Variants in RGS7 observed in about 807,000 individuals in gnomAD.
The protein encoded by RGS7 is regulator of G protein signaling 7.
Under a neutral mutation model 81.1 loss-of-function variants are expected in RGS7, and 27 were observed. The ratio of observed to expected loss-of-function variants is 0.33; its 90% confidence interval spans 0.25 to 0.46. The LOEUF (loss-of-function observed/expected upper bound fraction) is 0.46, where lower values mean the gene tolerates loss of function less well. RGS7 is among the 20% of genes least tolerant of loss of function. The pLI is 1.00. For synonymous variants in RGS7, 208 were observed against 207.7 expected (o/e 1.00, Z -0.01); for missense variants, 396 against 607.4 (o/e 0.65, Z 3.66).
intron 2 of RGS7, among the ~76,000 whole-genome samples, chr1:241,161,958 C>T (rs529659517): frequency 1.3e-5 from 2 of 152,120 alleles, no homozygotes; most frequent in African/African-American, 2.4e-5. Context: ...CTCAGGTGAT[C>T]CACCTGCCTC....
rs142198054 is a variant in RGS7 at position 240,868,039 on chromosome 1, AAAAGAAAG to A, written c.609+540_609+547del. Among the ~76,000 whole-genome samples the A allele has an allele frequency of 4.0e-5, 6 of 150,856 alleles. No individual in the cohort carries two copies. In the East Asian group the frequency reaches 7.8e-4, roughly 20 times the overall value. On this transcript the variant is annotated intron_variant, in intron 9 of 18. Transcript: ENST00000440928. This position sits in a 1 kb window ranked among gnomAD's most constrained non-coding sequence, Gnocchi z 5.1. ...AGAAAGAAAGAAAAGAAAAGAAGAG[AAAAGAAAG>A]AAAGAAAGAAAGAAAAGAAGAGAAA...
At chr1:241,084,353 G>A (rs193132481) in intron 3 of RGS7, among the ~76,000 whole-genome samples, 1 of 152,172 alleles carries the variant, frequency 6.6e-6, no homozygotes, top group East Asian at 1.9e-4. Flanking sequence ...ACAGAGAACT[G>A]GTCACACTGT....
chr1:241,053,901 G>C (rs2061365890), intron 3 of RGS7, among the ~76,000 whole-genome samples: 1 of 152,134 alleles, frequency 6.6e-6, no homozygotes, highest in Admixed American at 6.6e-5. Context: ...TTCACCTTCT[G>C]CCGTGATTGT....
In RGS7 at chr1:241,029,389, TA is replaced by T. The variant is rs1407567540; in HGVS notation, c.176-46261del. 2.0e-4 allele frequency among the ~76,000 whole-genome samples: 30 copies of T among 152,314 alleles called. 1 individual carries two copies. In the Middle Eastern group the frequency reaches 0.017, roughly 86 times the overall value. ...ACCCCTCGAAATCTAGCTTTGTATTTAAAAAGAAAATCTGACGTGGGGTTTG... is the reference window on the plus strand; with the variant it reads ...ACCCCTCGAAATCTAGCTTTGTATTTAAAAGAAAATCTGACGTGGGGTTTG... On this transcript the variant is annotated intron_variant, in intron 3 of 18. Coordinates refer to ENST00000440928, the MANE Select transcript of RGS7 (RefSeq NM_001364886.1).
At chr1:240,797,146 A>G (rs1384450157) in intron 18 of RGS7, among the ~76,000 whole-genome samples, 1 of 152,202 alleles carries the variant, frequency 6.6e-6, no homozygotes, top group Admixed American at 6.5e-5. Flanking sequence ...GTCAGTGAAG[A>G]ACTGTAGCTA....
intron 2 of RGS7, among the ~76,000 whole-genome samples, chr1:241,180,749 G>A (rs1479570880): frequency 2.0e-5 from 3 of 152,208 alleles, no homozygotes; most frequent in Non-Finnish European, 4.4e-5. Flanking sequence ...TGACTCTGCT[G>A]TGAATTTGAT....
rs73123961 is a variant in RGS7, at chr1:241,307,890, C to T, written c.78+47809G>A. On this transcript the variant is annotated intron_variant, in intron 2 of 18. Transcript: ENST00000440928. ...TGGGTGTCCTCAGCCAAAGTCACAT[C>T]GCCTCAGGGTACAGAAATAGAAGAC... Among the ~76,000 whole-genome samples, 1,463 of 152,230 alleles carry T rather than the reference C, an allele frequency of 9.6e-3. 26 individuals carry two copies. The highest frequency in any genetic ancestry group is 0.033 in the African/African-American group (1,384 of 41,516).
At chr1:240,873,264 T>C (rs1015518647) in intron 6 of RGS7, among the ~76,000 whole-genome samples, 3 of 152,212 alleles carry the variant, frequency 2.0e-5, no homozygotes, top group African/African-American at 7.2e-5. Flanking sequence ...TGATGAAATA[T>C]TGAAAATATC....
intron 15 of RGS7, 89 bp downstream of exon 15, chr1:240,806,051 C>T (rs573344005): frequency 1.9e-5 from 21 of 1,125,170 alleles, no homozygotes; most frequent in Non-Finnish European, 2.6e-5. Flanking sequence ...TTAGAAATAG[C>T]TGCCATTTAG....
intron 2 of RGS7, among the ~76,000 whole-genome samples, chr1:241,306,964 T>A (rs2080212510): frequency 6.6e-6 from 1 of 152,250 alleles, no homozygotes; most frequent in African/African-American, 2.4e-5. Context: ...TGAGATAGTT[T>A]GCAAGGGAGA....
intron 6 of RGS7, among the ~76,000 whole-genome samples, chr1:240,930,074 CTG>C (rs1338879251): frequency 2.0e-5 from 3 of 152,164 alleles, no homozygotes; most frequent in Non-Finnish European, 2.9e-5. Flanking sequence ...TCTTTGAAAA[CTG>C]TACTGTTCAG....
intron 2 of RGS7, among the ~76,000 whole-genome samples, chr1:241,351,791 T>G (rs1270895926): frequency 1.3e-5 from 2 of 152,138 alleles, no homozygotes; most frequent in Non-Finnish European, 2.9e-5. Context: ...AGTCTGCTAT[T>G]TCCAAAACCA....
intron 2 of RGS7, among the ~76,000 whole-genome samples, chr1:241,158,976 T>C (rs2069405390): frequency 6.6e-6 from 1 of 152,220 alleles, no homozygotes. Context: ...AATTTATTTC[T>C]GCAATATGTC....
intron 3 of RGS7, among the ~76,000 whole-genome samples, chr1:241,018,053 A>C (rs12073470): frequency 1.3e-5 from 2 of 151,066 alleles, no homozygotes; most frequent in African/African-American, 4.9e-5. Context: ...TGCAACTTCC[A>C]TCTCTCAGGT....
chr1:241,289,091 A>T (rs2078965942), intron 2 of RGS7, among the ~76,000 whole-genome samples: 2 of 152,122 alleles, frequency 1.3e-5, no homozygotes, highest in Non-Finnish European at 2.9e-5. Context: ...CACGATACTA[A>T]CCTTTGCCTC....
chr1:241,276,128 G>A (rs1216446221), intron 2 of RGS7, among the ~76,000 whole-genome samples: 2 of 152,134 alleles, frequency 1.3e-5, no homozygotes, highest in Admixed American at 1.3e-4. Context: ...CGTTTGTGTT[G>A]GTAGTGGCAA....
intron 10 of RGS7, chr1:240,823,097 C>T (rs753884836): frequency 1.1e-6 from 1 of 938,868 alleles, no homozygotes; most frequent in African/African-American, 1.6e-5. Context: ...ATAAGTGAGT[C>T]TAAAGAATCA....
In RGS7 at chr1:240,930,703, G is replaced by A; in HGVS notation, c.385+14C>T. 6.2e-7 allele frequency: 1 copy of A among 1,611,788 alleles called. No homozygotes were observed. The highest frequency in any genetic ancestry group is 8.5e-7 in the Non-Finnish European group (1 of 1,178,022). ...CAGGCTGTCAATAATAAAATAATGA[G>A]AGATGGCACTGACCATAATCTGTGT... On this transcript the variant is annotated intron_variant, in intron 6 of 18. Coordinates refer to ENST00000440928, the MANE Select transcript of RGS7 (RefSeq NM_001364886.1).
rs561313669 is a variant in RGS7, at chr1:240,998,508, C to T, written c.176-15379G>A. The T allele has an allele frequency of 7.2e-5, 75 of 1,047,564 alleles. No homozygotes were observed. The South Asian group carries it at 9.4e-4, about 13-fold the overall frequency. 64.9% of individuals were successfully genotyped at this position (1,047,564 alleles called of 1,614,324 possible). A position where few individuals can be genotyped will look rare whatever the true frequency, so the allele number is the denominator to read the frequency against. ...TTCTCGGATTCTTCTTTCTTTGCTT[C>T]CACTTTCTTCTCCTCAGCTGGAGCA... On this transcript the variant is annotated intron_variant, in intron 3 of 18. Coordinates refer to ENST00000440928, the MANE Select transcript of RGS7 (RefSeq NM_001364886.1).
Sources: allele counts gnomAD v4.1 joint callset (sites outside exome capture counted in the v4.1 genomes callset), GRCh38; gene constraint gnomAD v4.1.1; non-coding constraint Gnocchi (gnomAD v3.1); transcripts MANE v1.5; gene names NCBI Gene and HGNC (gene_info 2026-07-23, HGNC 2026-07-21).